CPNE4: variants seen among roughly 807,000 people sequenced by gnomAD.
CPNE4 encodes the protein copine-4.
A neutral mutation model predicts 67.9 loss-of-function variants in CPNE4; 25 were observed. That is an observed-to-expected ratio of 0.37 (90% CI 0.27 to 0.51). CPNE4 has a LOEUF of 0.51. CPNE4 is among the 20% of genes least tolerant of loss of function. CPNE4 has a pLI of 0.93. For synonymous variants in CPNE4, 242 were observed against 244.9 expected (o/e 0.99, Z 0.11); for missense variants, 464 against 690.8 (o/e 0.67, Z 3.68).
chr3:131,845,986 C>G (rs2085982318), intron 2 of CPNE4, among the ~76,000 whole-genome samples: 1 of 152,096 alleles, frequency 6.6e-6, no homozygotes, highest in African/African-American at 2.4e-5. Flanking sequence ...CTCAATTCTG[C>G]AAAGTTAACT....
chr3:131,784,255 G>C (rs1174970992), intron 2 of CPNE4, among the ~76,000 whole-genome samples: 1 of 151,924 alleles, frequency 6.6e-6, no homozygotes, highest in Non-Finnish European at 1.5e-5. Context: ...TTCTATCTTT[G>C]AGTGTTTCTG....
In CPNE4 at chr3:132,028,924, CTTTTTTTT is replaced by C. The variant is rs67866239; in HGVS notation, c.-2+5635_-2+5642del. 2.1e-5 allele frequency among the ~76,000 whole-genome samples: 3 copies of C among 142,506 alleles called. No homozygotes were observed. The East Asian group carries it at 6.2e-4, about 29-fold the overall frequency. The allele number at this position is 142,506 out of a possible 152,430, so 93.5% of individuals were successfully genotyped here. A position where few individuals can be genotyped will look rare whatever the true frequency, so the allele number is the denominator to read the frequency against. On this transcript the variant is annotated intron_variant, in intron 1 of 15. Transcript: ENST00000429747. ...TAAGTAAAATATATTCTTAATTTTT[CTTTTTTTT>C]TTTTTTAAAGGGTGAAGTTTGGGGA...
intron 8 of CPNE4, among the ~76,000 whole-genome samples, chr3:131,585,381 A>G (rs892311428): frequency 3.9e-5 from 6 of 152,154 alleles, no homozygotes; most frequent in Non-Finnish European, 7.4e-5. Context: ...ATATTGTAGA[A>G]ACAATAAATA....
intron 2 of CPNE4, among the ~76,000 whole-genome samples, chr3:131,888,748 T>C (rs2087996798): frequency 6.6e-6 from 1 of 152,176 alleles, no homozygotes; most frequent in Non-Finnish European, 1.5e-5. Context: ...TCTATTTATC[T>C]TCTTCAAAAT....
At chr3:131,836,288 C>A (rs947283479) in intron 2 of CPNE4, among the ~76,000 whole-genome samples, 1 of 152,046 alleles carries the variant, frequency 6.6e-6, no homozygotes, top group Non-Finnish European at 1.5e-5. Context: ...TTCTAGGATG[C>A]AAAGCTGGTT....
chr3:131,641,699 A>G (rs73216437), intron 7 of CPNE4, among the ~76,000 whole-genome samples: 657 of 152,304 alleles, frequency 4.3e-3, no homozygotes, highest in Non-Finnish European at 7.2e-3. Flanking sequence ...CAAAAAAGAT[A>G]CCTGTACATG....
chr3:131,856,465 G>A (rs1405541971), intron 2 of CPNE4, among the ~76,000 whole-genome samples: 3 of 151,944 alleles, frequency 2.0e-5, no homozygotes, highest in Non-Finnish European at 4.4e-5. Flanking sequence ...CACTGTGAAT[G>A]AGCCAGGAAA....
intron 2 of CPNE4, among the ~76,000 whole-genome samples, chr3:131,772,541 A>T (rs574015203): frequency 6.6e-6 from 1 of 152,240 alleles, no homozygotes; most frequent in South Asian, 2.1e-4. Context: ...CTTATCAGAG[A>T]GCCAGAAGTG....
In CPNE4 at chr3:132,034,663, G is replaced by A. The variant is rs1289377345; in HGVS notation, c.-98C>T. The A allele has an allele frequency of 1.0e-6, 1 of 983,938 alleles. No homozygotes were observed. The highest frequency in any genetic ancestry group is 1.7e-5 in the African/African-American group (1 of 57,190). The allele number at this position is 983,938 out of a possible 1,614,324, so 61.0% of individuals were successfully genotyped here. ...CAAAATCCGGCTTTGAAGTGGAGGT[G>A]GTTGGTGTGGTAGTTTTGTACTGAT... On this transcript the variant is annotated 5_prime_UTR_variant, in exon 1 of 16. Transcript: ENST00000429747.
chr3:131,937,997 T>A (rs930852827), intron 1 of CPNE4, among the ~76,000 whole-genome samples: 1 of 152,128 alleles, frequency 6.6e-6, no homozygotes, highest in Non-Finnish European at 1.5e-5. Context: ...ATTATCAAGA[T>A]AATACTCGAA....
At chr3:132,021,352 A>C (rs1290746141) in intron 1 of CPNE4, among the ~76,000 whole-genome samples, 1 of 152,214 alleles carries the variant, frequency 6.6e-6, no homozygotes, top group African/African-American at 2.4e-5. Flanking sequence ...CTACTTAGCT[A>C]TTTGGCCCAT....
chr3:131,785,085 G>A (rs902009052), intron 2 of CPNE4, among the ~76,000 whole-genome samples: 1 of 152,070 alleles, frequency 6.6e-6, no homozygotes, highest in African/African-American at 2.4e-5. Context: ...TCAGAGGCTT[G>A]GTGTGAGGAC....
chr3:131,964,284 T>C (rs114615887), intron 1 of CPNE4, among the ~76,000 whole-genome samples: 3,553 of 152,210 alleles, frequency 0.023, 138 homozygotes, highest in African/African-American at 0.08. Context: ...CCAAAAATGC[T>C]GAAAATTCCA....
rs1560173271 is a variant in CPNE4, at chr3:131,717,906, CTTTCTT to C, written c.360+5534_360+5539del. ...TCTTTCTTTCTTTCTTTCTTTCTTT[CTTTCTT>C]TCTTTCTTTCTTTCTTTCTTTCTTT... is the stretch of plus-strand genomic sequence containing the variant. On this transcript the variant is annotated intron_variant, in intron 3 of 15. Coordinates refer to ENST00000429747, the MANE Select transcript of CPNE4 (RefSeq NM_130808.3). 3.3e-3 allele frequency among the ~76,000 whole-genome samples: 454 copies of C among 136,476 alleles called. 12 individuals are homozygous for C. The highest frequency in any genetic ancestry group is 0.019 in the Middle Eastern group (5 of 270). 89.5% of individuals were successfully genotyped at this position (136,476 alleles called of 152,430 possible).
At chr3:131,756,129 C>A (rs933050410) in intron 2 of CPNE4, among the ~76,000 whole-genome samples, 6 of 152,108 alleles carry the variant, frequency 3.9e-5, no homozygotes, top group African/African-American at 1.4e-4. Flanking sequence ...GTTTAAAACA[C>A]TTTTACATTT....
chr3:131,890,037 T>A lies in CPNE4; in HGVS notation c.180+15227A>T, dbSNP rs141364803. 1.3e-3 allele frequency among the ~76,000 whole-genome samples: 199 copies of A among 152,266 alleles called. 2 individuals carry two copies. In the East Asian group the frequency reaches 0.026, roughly 20 times the overall value. On this transcript the variant is annotated intron_variant, in intron 2 of 15. Transcript: ENST00000429747. Reference sequence around the variant, plus strand: ...ATCAAAATTGATTTGTGCAATGTTTTTTAATATGACACCAAAAGCACAGGC... The same window carrying A: ...ATCAAAATTGATTTGTGCAATGTTTATTAATATGACACCAAAAGCACAGGC...
intron 2 of CPNE4, among the ~76,000 whole-genome samples, chr3:131,886,055 T>C (rs143485512): frequency 7.6e-4 from 115 of 152,218 alleles, no homozygotes; most frequent in African/African-American, 2.7e-3. Context: ...GGCAAAAATG[T>C]CTCCAGGACA....
At chr3:132,010,658 A>G (rs933334571) in intron 1 of CPNE4, among the ~76,000 whole-genome samples, 1 of 152,186 alleles carries the variant, frequency 6.6e-6, no homozygotes, top group Non-Finnish European at 1.5e-5. Flanking sequence ...GATACATGAT[A>G]CTTAGGCAAA....
chr3:131,538,765 A>G (rs531872512), intron 15 of CPNE4: 3 of 152,328 alleles, frequency 2.0e-5, no homozygotes, highest in African/African-American at 2.4e-5. Flanking sequence ...GTTAGTTATC[A>G]TGAGAGTGGG....
Sources: allele counts gnomAD v4.1 joint callset (sites outside exome capture counted in the v4.1 genomes callset), GRCh38; gene constraint gnomAD v4.1.1; transcripts MANE v1.5; gene names NCBI Gene and HGNC (gene_info 2026-07-23, HGNC 2026-07-21).